Variants in OPRPN observed in about 807,000 individuals in gnomAD.
The protein encoded by OPRPN is opiorphin prepropeptide.
In OPRPN, 1 loss-of-function variant was observed where a neutral mutation model predicts 2.2. The ratio of observed to expected loss-of-function variants is 0.45; its 90% CI spans 0.16 to 2.15. The LOEUF is 2.15. Among genes scored for constraint, OPRPN ranks in the 30% most tolerant of loss-of-function variants. OPRPN has a pLI of 0.28. For missense variants in OPRPN, 306 were observed against 297.3 expected, an observed-to-expected ratio of 1.03 and a Z score of -0.21; for synonymous variants, 126 against 111.5, an observed-to-expected ratio of 1.13 and a Z score of -0.82.
At chr4:70,403,454 C>T (rs567607162) in intron 2 of OPRPN, among the ~76,000 whole-genome samples, 3 of 152,232 alleles carry the variant, frequency 2.0e-5, no homozygotes, top group East Asian at 1.9e-4. Flanking sequence ...AGACAGTGAA[C>T]AAGGCAATAT....
chr4:70,404,270 C>G (rs1285018409), intron 2 of OPRPN, among the ~76,000 whole-genome samples: 1 of 152,130 alleles, frequency 6.6e-6, no homozygotes, highest in Non-Finnish European at 1.5e-5. Context: ...CAACTCCACT[C>G]TCCTGATTTT....
intron 2 of OPRPN, chr4:70,399,632 G>T: frequency 4.6e-6 from 1 of 215,670 alleles, no homozygotes; most frequent in South Asian, 1.6e-4. Context: ...TTTTTCAAAA[G>T]GACTACTATC....
At position 70,410,134 on chromosome 4, in the gene OPRPN, A is replaced by G. The variant is rs889689246; in HGVS notation, c.*59A>G. ...GATATCTTAGAAGAAATAAACTGCA[A>G]TGATTTTGATGGAACCAACCCTGAT... On this transcript the variant is annotated 3_prime_UTR_variant, in exon 3 of 3. Coordinates refer to ENST00000399575, the MANE Select transcript of OPRPN (RefSeq NM_021225.5). 3 of 1,328,874 alleles carry G rather than the reference A, an allele frequency of 2.3e-6. No individual in the cohort carries two copies. Among genetic ancestry groups the G allele is most frequent in the Admixed American group, 2.4e-5 (1 of 41,638 alleles). 82.3% of individuals were successfully genotyped at this position (1,328,874 alleles called of 1,614,324 possible).
In OPRPN at chr4:70,409,971, G is replaced by C. The variant is rs1157433143; in HGVS notation, c.643G>C (p.Val215Leu). 3 of 1,613,838 alleles carry C rather than the reference G, an allele frequency of 1.9e-6. No homozygotes were observed. The highest frequency in any genetic ancestry group is 1.7e-6 in the Non-Finnish European group (2 of 1,179,858). Reference protein sequence around the residue: ...TQILANRPHTVLLNATVQVTT... With the variant: ...TQILANRPHTLLLNATVQVTT... ...AATTCTCGCCAACCGTCCTCACACA[G>C]TATTGCTCAATGCCACTGTCCAAGT... The change falls in exon 3 of 3, where the codon GTA (valine) becomes CTA (leucine). Residue 215 changes from valine (V) to leucine (L), a missense_variant. By Grantham distance (32) the Val-to-Leu change is conservative (BLOSUM62 1). Transcript: ENST00000399575.
At chr4:70,409,260 G>T in intron 2 of OPRPN, 120 bp from the exon 3 acceptor site, 22 of 725,676 alleles carry the variant, frequency 3.0e-5, no homozygotes, top group South Asian at 4.9e-5. Flanking sequence ...ATGACTTATG[G>T]CTTAGTATAT....
intron 2 of OPRPN, among the ~76,000 whole-genome samples, chr4:70,406,122 A>G (rs1577884138): frequency 6.6e-6 from 1 of 152,308 alleles, no homozygotes; most frequent in South Asian, 2.1e-4. Flanking sequence ...ATAGAATGAT[A>G]AACAATACAG....
chr4:70,409,901 C>T lies in OPRPN; in HGVS notation c.573C>T (p.Ser191=), dbSNP rs1733186474. ...CTTCAACACCAGAGCCTGCCACCTCCATATCAGCAGCAACCCCCGCAGCAT... is the reference window on the plus strand; with the variant it reads ...CTTCAACACCAGAGCCTGCCACCTCTATATCAGCAGCAACCCCCGCAGCAT... The part of the protein sequence containing the change: ...PISSTPEPAT[S]ISAATPAAST... Residue 191 remains serine, a synonymous_variant, in exon 3 of 3, where the codon TCC becomes TCT. Coordinates refer to ENST00000399575, the MANE Select transcript of OPRPN (RefSeq NM_021225.5). 1 of 1,614,036 alleles carries T rather than the reference C, an allele frequency of 6.2e-7. No homozygotes were observed. The highest frequency in any genetic ancestry group is 8.5e-7 in the Non-Finnish European group (1 of 1,179,988).
chr4:70,409,298 ATACATAG>A, intron 2 of OPRPN, 75 bp from the exon 3 acceptor site: 1 of 1,036,348 alleles, frequency 9.6e-7, no homozygotes, highest in Non-Finnish European at 1.4e-6. Flanking sequence ...AGATATATTA[ATACATAG>A]TATATCCTAA....
chr4:70,400,129 G>C (rs542436150), intron 2 of OPRPN, among the ~76,000 whole-genome samples: 1 of 152,010 alleles, frequency 6.6e-6, no homozygotes, highest in Admixed American at 6.6e-5. Context: ...CTTGCGAGGA[G>C]AGAAAGAGCC....
At chr4:70,402,864 G>C (rs1038204623) in intron 2 of OPRPN, among the ~76,000 whole-genome samples, 1 of 152,026 alleles carries the variant, frequency 6.6e-6, no homozygotes, top group African/African-American at 2.4e-5. Context: ...GGCTGGTAGA[G>C]AGTGAGATGG....
chr4:70,400,269 T>C (rs1732947731), intron 2 of OPRPN, among the ~76,000 whole-genome samples: 1 of 151,974 alleles, frequency 6.6e-6, no homozygotes, highest in Admixed American at 6.6e-5. Context: ...TTTCATAATA[T>C]AGTATCTACC....
At position 70,409,487 on chromosome 4, in the gene OPRPN, T is replaced by C; in HGVS notation, c.159T>C (p.Tyr53=). Residue 53 remains tyrosine (Y), a synonymous_variant, in exon 3 of 3, where the codon TAT becomes TAC. Transcript: ENST00000399575. ...TTCCACCAAGTCCCCCACCTCCCTA[T>C]GACTCAAGACTTAATTCACCACTTT... ...RWVPPSPPPP[Y]DSRLNSPLSL... 6.2e-7 allele frequency: 1 copy of C among 1,614,000 alleles called. No individual in the cohort carries two copies. Among genetic ancestry groups the C allele is most frequent in the Non-Finnish European group, 8.5e-7 (1 of 1,179,910 alleles).
Position 70,409,957 on chromosome 4 carries a change from A to G in OPRPN, c.629A>G (p.Asn210Ser). ...STENTTQILA[N>S]RPHTVLLNAT... ...GAAAATACTACTCAAATTCTCGCCA[A>G]CCGTCCTCACACAGTATTGCTCAAT... The change falls in exon 3 of 3, where the codon AAC becomes AGC. Residue 210 changes from asparagine (N) to serine (S), a missense_variant. Asn to Ser is a conservative substitution (Grantham distance 46, BLOSUM62 1). Coordinates refer to ENST00000399575, the MANE Select transcript of OPRPN (RefSeq NM_021225.5). 2.5e-6 allele frequency: 4 copies of G among 1,614,040 alleles called. No individual in the cohort carries two copies. The highest frequency in any genetic ancestry group is 2.2e-5 in the South Asian group (2 of 91,082).
chr4:70,400,470 A>T (rs915404463), intron 2 of OPRPN, among the ~76,000 whole-genome samples: 1 of 151,938 alleles, frequency 6.6e-6, no homozygotes, highest in African/African-American at 2.4e-5. Context: ...AGATTATTAT[A>T]CTCCATGAGA....
rs912055889 is a variant in OPRPN, at chr4:70,404,693, C to T, written c.52-4687C>T. Among the ~76,000 whole-genome samples the T allele has an allele frequency of 5.3e-5, 8 of 152,222 alleles. No homozygotes were observed. In the East Asian group the frequency reaches 1.5e-3, roughly 29 times the overall value. On this transcript the variant is annotated intron_variant, in intron 2 of 2. Transcript: ENST00000399575. ...AATATTGCCATATCATTCCTTTGTT[C>T]AAAAGCTTCTAATGGTTTTCCATAA...
Position 70,409,869 on chromosome 4 carries a change from C to G in OPRPN, c.541C>G (p.Pro181Ala), listed in dbSNP as rs1232944986. 6.2e-7 allele frequency: 1 copy of G among 1,613,434 alleles called. No individual in the cohort carries two copies. Among genetic ancestry groups the G allele is most frequent in the Non-Finnish European group, 8.5e-7 (1 of 1,179,708 alleles). Residue 181 changes from proline (P) to alanine (A), a missense_variant, in exon 3 of 3, where the codon CCT becomes GCT. Transcript: ENST00000399575. ...PTMTISSSTVPISSTPEPATS... is the reference protein window; with the variant it reads ...PTMTISSSTVAISSTPEPATS... The stretch of plus-strand genomic sequence containing the variant: ...AATGACGATCAGCTCCTCAACAGTA[C>G]CTATCTCTTCAACACCAGAGCCTGC...
chr4:70,407,285 G>T (rs1733110925), intron 2 of OPRPN, among the ~76,000 whole-genome samples: 1 of 152,220 alleles, frequency 6.6e-6, no homozygotes, highest in African/African-American at 2.4e-5. Flanking sequence ...TAAGATCCTG[G>T]ATAGCCAGTG....
At chr4:70,404,008 C>T (rs1336794528) in intron 2 of OPRPN, among the ~76,000 whole-genome samples, 4 of 152,068 alleles carry the variant, frequency 2.6e-5, no homozygotes, top group African/African-American at 2.4e-5. Flanking sequence ...TGTTTTCATA[C>T]TCCACTGATC....
chr4:70,399,314 T>C lies in OPRPN; in HGVS notation c.29T>C (p.Leu10Ser), dbSNP rs764532675. Residue 10 changes from leucine to serine, a missense_variant, in exon 2 of 3, where the codon TTG (leucine) becomes TCG (serine). Coordinates refer to ENST00000399575, the MANE Select transcript of OPRPN (RefSeq NM_021225.5). The part of the protein sequence containing the change: MKLTFFLGL[L>S]ALISCFTPSE... ...AAATTAACTTTCTTCTTGGGCCTGT[T>C]GGCTCTTATTTCATGTTTCACAGTA... 8.0e-5 allele frequency: 129 copies of C among 1,602,760 alleles called. No individual in the cohort carries two copies. In the Admixed American group the frequency reaches 2.1e-3, roughly 26 times the overall value.
Sources: gnomAD v4.1 joint callset for allele counts (sites outside exome capture counted in the v4.1 genomes callset) on GRCh38, gnomAD v4.1.1 for gene constraint, MANE v1.5 for transcripts, NCBI Gene and HGNC (gene_info 2026-07-23, HGNC 2026-07-21) for gene names.